The following CCDC171 variants were observed in gnomAD, a reference collection of about 807,000 sequenced individuals.
CCDC171 encodes the protein coiled-coil domain containing 171.
CCDC171 carries 177 observed loss-of-function variants against 168.2 expected under a neutral mutation model. The observed-to-expected ratio is 1.05, with a 90% CI of 0.93 to 1.19. CCDC171 has a LOEUF of 1.19. Ranked by LOEUF, CCDC171 falls within the 50% of genes most tolerant of loss-of-function variation. The probability of loss-of-function intolerance (pLI) is 0.00; values close to 1 mark genes in which losing one functional copy is unlikely to be tolerated. For synonymous variants in CCDC171, 687 were observed against 540.8 expected, an observed-to-expected ratio of 1.27 and a Z score of -3.75; for missense variants, 1,991 against 1,539.0, an observed-to-expected ratio of 1.29 and a Z score of -4.91.
Position 15,784,726 on chromosome 9 carries a change from G to T in CCDC171, c.3267+32G>T, listed in dbSNP as rs1417022650. ...GAATAAAGGGATATTTGCATAAAGG[G>T]ATATTTTATCTATGTGTGGATCTTA... On this transcript the variant is annotated intron_variant, in intron 21 of 25. Transcript: ENST00000380701. 6 of 1,514,458 alleles carry T rather than the reference G, an allele frequency of 4.0e-6. No homozygotes were observed. The East Asian group carries it at 1.1e-4, about 29-fold the overall frequency. 93.8% of individuals were successfully genotyped at this position (1,514,458 alleles called of 1,614,324 possible). A position where few individuals can be genotyped will look rare whatever the true frequency, so the allele number is the denominator to read the frequency against.
rs547655670 is a variant in CCDC171 at position 15,819,078 on chromosome 9, A to T, written c.3268-27624A>T. Reference sequence around the variant, plus strand: ...AAAAGAATTTTCAACCCAGAATTTCATATCCAGCCAAACTAAGCTTCATAA... The same window carrying T: ...AAAAGAATTTTCAACCCAGAATTTCTTATCCAGCCAAACTAAGCTTCATAA... On this transcript the variant is annotated intron_variant, in intron 21 of 25. Transcript: ENST00000380701. Among the ~76,000 whole-genome samples, 5 of 116,882 alleles carry T rather than the reference A, an allele frequency of 4.3e-5. 1 individual carries two copies. The East Asian group carries it at 1.1e-3, about 25-fold the overall frequency. The allele number at this position is 116,882 out of a possible 152,430, so 76.7% of individuals were successfully genotyped here.
chr9:15,567,354 A>C (rs1308524545), intron 2 of CCDC171, among the ~76,000 whole-genome samples: 1 of 152,172 alleles, frequency 6.6e-6, no homozygotes, highest in African/African-American at 2.4e-5. Flanking sequence ...GTAGCTTTAT[A>C]GTAAGTTTTG....
intron 25 of CCDC171, among the ~76,000 whole-genome samples, chr9:15,966,522 A>T (rs1234563399): frequency 6.6e-6 from 1 of 152,158 alleles, no homozygotes; most frequent in East Asian, 1.9e-4. Context: ...TTAGAACCAG[A>T]TAGAATGCTG....
chr9:15,553,888 A>G lies in CCDC171; in HGVS notation c.-112+586A>G, dbSNP rs531299074. On this transcript the variant is annotated intron_variant, in intron 1 of 25. Coordinates refer to ENST00000380701, the MANE Select transcript of CCDC171 (RefSeq NM_173550.4). ...TCCTAAGAAAATACATATTTCATGT[A>G]TACATTTTAGGTAAATGAGATAAAT... Among the ~76,000 whole-genome samples, 3 of 151,442 alleles carry G rather than the reference A, an allele frequency of 2.0e-5. No individual in the cohort carries two copies. In the South Asian group the frequency reaches 6.2e-4, roughly 31 times the overall value.
At chr9:15,835,904 GTATGTTT>G (rs922634943) in intron 21 of CCDC171, among the ~76,000 whole-genome samples, 2 of 152,028 alleles carry the variant, frequency 1.3e-5, no homozygotes, top group African/African-American at 4.8e-5. Context: ...ATTAAAAATA[GTATGTTT>G]TACAGTATGG....
At chr9:15,710,639 A>G (rs1456041732) in intron 11 of CCDC171, among the ~76,000 whole-genome samples, 5 of 149,760 alleles carry the variant, frequency 3.3e-5, no homozygotes, top group Admixed American at 2.7e-4. Context: ...ACTCTTCTCC[A>G]GGCTGGAGTA....
intron 6 of CCDC171, among the ~76,000 whole-genome samples, chr9:16,024,612 G>C (rs1257860320): frequency 6.6e-6 from 1 of 152,190 alleles, no homozygotes; most frequent in Admixed American, 6.5e-5. Context: ...TTCTTGGACA[G>C]GTTTGATTTT....
intron 25 of CCDC171, among the ~76,000 whole-genome samples, chr9:15,930,763 A>G (rs1826413900): frequency 6.6e-6 from 1 of 151,778 alleles, no homozygotes; most frequent in Non-Finnish European, 1.5e-5. Context: ...AAATTAACTA[A>G]AAATGAATCA....
chr9:15,623,473 G>GCTCACA, intron 7 of CCDC171, 60 bp downstream of exon 7: 2 of 464,166 alleles, frequency 4.3e-6, no homozygotes, highest in Non-Finnish European at 3.6e-6. Context: ...ATGCGCGCGC[G>GCTCACA]CGCACACACA....
chr9:15,667,680 G>A (rs768633913), intron 9 of CCDC171, among the ~76,000 whole-genome samples: 2 of 152,128 alleles, frequency 1.3e-5, no homozygotes, highest in African/African-American at 2.4e-5. Flanking sequence ...ATTATAAGAA[G>A]TGAGTTAACT....
intron 25 of CCDC171, among the ~76,000 whole-genome samples, chr9:15,953,071 G>C (rs560698145): frequency 6.6e-6 from 1 of 152,208 alleles, no homozygotes; most frequent in South Asian, 2.1e-4. Flanking sequence ...ATTTCTTACA[G>C]TATTTTGTGT....
chr9:15,993,426 C>G (rs183290764), intron 3 of CCDC171, among the ~76,000 whole-genome samples: 1 of 152,214 alleles, frequency 6.6e-6, no homozygotes. Context: ...TTCCTTACAG[C>G]TTATACAAAA....
upstream of CCDC171, among the ~76,000 whole-genome samples, chr9:16,038,774 A>G (rs1405165385): frequency 6.6e-6 from 1 of 151,864 alleles, no homozygotes; most frequent in African/African-American, 2.4e-5. Flanking sequence ...CTTGGATGAA[A>G]AAATTAAAAT....
intron 24 of CCDC171, among the ~76,000 whole-genome samples, chr9:15,916,894 C>G (rs772566213): frequency 6.6e-6 from 1 of 151,912 alleles, no homozygotes; most frequent in African/African-American, 2.4e-5. Flanking sequence ...AGATACAGAT[C>G]TCACTGCATG....
intron 21 of CCDC171, among the ~76,000 whole-genome samples, chr9:15,839,210 T>A (rs2060573189): frequency 6.6e-6 from 1 of 152,186 alleles, no homozygotes; most frequent in African/African-American, 2.4e-5. Flanking sequence ...TGAAAGTGTA[T>A]CCTTAAATAA....
chr9:15,663,854 C>A (rs988349242), intron 8 of CCDC171, among the ~76,000 whole-genome samples: 1 of 152,142 alleles, frequency 6.6e-6, no homozygotes, highest in African/African-American at 2.4e-5. Context: ...GATCCGCCTG[C>A]CTCGGCCTCC....
intron 18 of CCDC171, among the ~76,000 whole-genome samples, chr9:15,763,486 A>G (rs1386167771): frequency 2.6e-5 from 4 of 152,192 alleles, no homozygotes; most frequent in African/African-American, 9.7e-5. Context: ...AGCATAAACT[A>G]TCAGATGCTC....
chr9:15,981,622 C>T (rs1373536394), intron 3 of CCDC171, among the ~76,000 whole-genome samples: 7 of 152,158 alleles, frequency 4.6e-5, no homozygotes, highest in African/African-American at 1.7e-4. Context: ...ACTACCTAAA[C>T]AATGTTAGAT....
chr9:16,101,739 A>T, the CCDC171 span, among the ~76,000 whole-genome samples: 1 of 152,230 alleles, frequency 6.6e-6, no homozygotes, highest in Non-Finnish European at 1.5e-5. Context: ...GGCAGGGAAG[A>T]GTGGTCAGCC....
Sources: gnomAD v4.1 joint callset for allele counts (sites outside exome capture counted in the v4.1 genomes callset) on GRCh38, gnomAD v4.1.1 for gene constraint, MANE v1.5 for transcripts, NCBI Gene and HGNC (gene_info 2026-07-23, HGNC 2026-07-21) for gene names.